ALDH18A1: variants seen among roughly 807,000 people sequenced by gnomAD.
ALDH18A1 encodes the protein delta-1-pyrroline-5-carboxylate synthase.
ALDH18A1 carries 44 observed loss-of-function variants against 88.8 expected under a neutral mutation model. The observed-to-expected ratio is 0.50, with a 90% CI of 0.39 to 0.64. The LOEUF is 0.64. Among genes scored for constraint, ALDH18A1 ranks in the 30% least tolerant of loss-of-function variants. The pLI is 0.00. For synonymous variants in ALDH18A1, 331 were observed against 372.1 expected (o/e 0.89, Z 1.27); for missense variants, 782 against 1,009.5 (o/e 0.77, Z 3.05).
At chr10:95,612,632 A>G (rs2097837272) in intron 15 of ALDH18A1, among the ~76,000 whole-genome samples, 1 of 152,200 alleles carries the variant, frequency 6.6e-6, no homozygotes, top group African/African-American at 2.4e-5. Flanking sequence ...AAGTACACAC[A>G]GTGACTCATT....
intron 3 of ALDH18A1, among the ~76,000 whole-genome samples, chr10:95,638,076 T>C (rs551711785): frequency 1.3e-5 from 2 of 152,288 alleles, no homozygotes; most frequent in Admixed American, 6.5e-5. Flanking sequence ...TGCCGTGGCA[T>C]GAATGTGGCT....
Position 95,643,131 on chromosome 10 carries a change from C to T in ALDH18A1, c.164G>A (p.Arg55His), listed in dbSNP as rs754880517. The change falls in exon 3 of 18, where the codon CGT becomes CAT. Residue 55 changes from arginine (R) to histidine (H), a missense_variant. Around this residue, in one of 3 missense-constraint regions of ALDH18A1, gnomAD observed 94 missense variants for 99.5 expected, o/e 0.94. Transcript: ENST00000371224. ...NIPFITVPLS[R>H]THGKSFAHRS... ...GTGGGCGAAGGACTTGCCATGTGTA[C>T]GACTGAGGGGTACAGTGATAAACGG... 8.7e-6 allele frequency: 14 copies of T among 1,614,064 alleles called. No homozygotes were observed. Among genetic ancestry groups the T allele is most frequent in the Admixed American group, 8.3e-5 (5 of 60,002 alleles).
chr10:95,628,388 T>A lies in ALDH18A1; in HGVS notation c.913A>T (p.Met305Leu). Residue 305 changes from methionine to leucine, a missense_variant, in exon 8 of 18, where the codon ATG becomes TTG. By Grantham distance (15) the Met-to-Leu change is conservative. Coordinates refer to ENST00000371224, the MANE Select transcript of ALDH18A1 (RefSeq NM_002860.4). ...VTFGTKSRVG[M>L]GGMEAKVKAA... ...CTTACCTTGGCTTCCATGCCACCCATTCCCACTCTAGACTTGGTTCCAAAT... is the reference window on the plus strand; with the variant it reads ...CTTACCTTGGCTTCCATGCCACCCAATCCCACTCTAGACTTGGTTCCAAAT... 1 of 1,614,128 alleles carries A rather than the reference T, an allele frequency of 6.2e-7. No individual in the cohort carries two copies. Among genetic ancestry groups the A allele is most frequent in the Non-Finnish European group, 8.5e-7 (1 of 1,179,974 alleles).
chr10:95,653,371 T>C lies in ALDH18A1; in HGVS notation c.7A>G (p.Ser3Gly). ML[S>G]QVYRCGFQPF... The stretch of plus-strand genomic sequence containing the variant: ...TGGAACCCACAGCGGTAAACTTGAC[T>C]CAACATGCTGCGATGTGGTCACTAA... Residue 3 changes from serine (S) to glycine (G), a missense_variant, in exon 2 of 18, where the codon AGT becomes GGT. By Grantham distance (56) the Ser-to-Gly change is moderately conservative. Transcript: ENST00000371224. 6.2e-7 allele frequency: 1 copy of C among 1,613,316 alleles called. No homozygotes were observed. The highest frequency in any genetic ancestry group is 8.5e-7 in the Non-Finnish European group (1 of 1,179,936).
At chr10:95,607,362 G>A (rs965325146) in intron 17 of ALDH18A1, among the ~76,000 whole-genome samples, 5 of 152,080 alleles carry the variant, frequency 3.3e-5, no homozygotes, top group Non-Finnish European at 5.9e-5. Context: ...ACATGTTTGT[G>A]GTATCCCCTA....
At chr10:95,629,510 A>G (rs2097865030) in intron 7 of ALDH18A1, among the ~76,000 whole-genome samples, 1 of 152,214 alleles carries the variant, frequency 6.6e-6, no homozygotes, top group Non-Finnish European at 1.5e-5. Flanking sequence ...AAAAGAAAAA[A>G]TAACCTTTCA....
At chr10:95,622,625 C>T (rs2097854525) in intron 11 of ALDH18A1, among the ~76,000 whole-genome samples, 1 of 152,148 alleles carries the variant, frequency 6.6e-6, no homozygotes, top group Non-Finnish European at 1.5e-5. Flanking sequence ...GCAAGCTCCA[C>T]CTCCAGGGTT....
At chr10:95,633,701 T>C (rs1216782926) in intron 5 of ALDH18A1, 52 bp from the exon 6 acceptor site, 1 of 1,597,298 alleles carries the variant, frequency 6.3e-7, no homozygotes, top group East Asian at 2.2e-5. Flanking sequence ...ACGCTAAACT[T>C]CCCAGTATAC....
chr10:95,623,754 G>A (rs1044199905), intron 11 of ALDH18A1, among the ~76,000 whole-genome samples: 9 of 152,304 alleles, frequency 5.9e-5, no homozygotes, highest in African/African-American at 2.2e-4. Flanking sequence ...TAGTAGAGAT[G>A]AGGTTTCTCC....
chr10:95,614,544 C>T (rs2097841207), intron 13 of ALDH18A1, among the ~76,000 whole-genome samples: 1 of 152,174 alleles, frequency 6.6e-6, no homozygotes, highest in South Asian at 2.1e-4. Flanking sequence ...TACACTACTC[C>T]AGGCCATGAA....
intron 15 of ALDH18A1, 65 bp from the exon 16 acceptor site, chr10:95,611,507 G>T: frequency 1.9e-6 from 3 of 1,575,058 alleles, no homozygotes; most frequent in Non-Finnish European, 2.6e-6. Flanking sequence ...TTCTAGGATA[G>T]AACAGAAAGG....
intron 2 of ALDH18A1, among the ~76,000 whole-genome samples, chr10:95,650,621 C>T (rs1432595722): frequency 1.3e-5 from 2 of 152,168 alleles, no homozygotes; most frequent in Non-Finnish European, 2.9e-5. Flanking sequence ...CCCCTTCATC[C>T]TCTTCCAAGA....
At position 95,628,466 on chromosome 10, in the gene ALDH18A1, C is replaced by T; in HGVS notation, c.835G>A (p.Asp279Asn). The change falls in exon 8 of 18, where the codon GAT becomes AAT. Residue 279 changes from aspartate (D) to asparagine (N), a missense_variant. Around this residue, in one of 3 missense-constraint regions of ALDH18A1, gnomAD observed 556 missense variants for 654.5 expected, o/e 0.85. Coordinates refer to ENST00000371224, the MANE Select transcript of ALDH18A1 (RefSeq NM_002860.4). ...AATATATCAATAAGCTTTGCATCAT[C>T]TGAACCTGGGGGGCTGTCAAAAAGG... ...EGLFDSPPGSDDAKLIDIFYP... is the reference protein window; with the variant it reads ...EGLFDSPPGSNDAKLIDIFYP... 6.2e-7 allele frequency: 1 copy of T among 1,613,924 alleles called. No individual in the cohort carries two copies. The highest frequency in any genetic ancestry group is 8.5e-7 in the Non-Finnish European group (1 of 1,179,976).
chr10:95,621,319 T>TA, intron 11 of ALDH18A1, 68 bp from the exon 12 acceptor site: 115 of 1,274,408 alleles, frequency 9.0e-5, no homozygotes, highest in Non-Finnish European at 1.2e-4. Context: ...AACCGATGTG[T>TA]CTTTTTTTTT....
intron 17 of ALDH18A1, among the ~76,000 whole-genome samples, chr10:95,609,767 C>CTCTTTTTTTTT (rs1193875091): frequency 3.3e-5 from 1 of 30,698 alleles, no homozygotes. Context: ...AAGTCTGTCT[C>CTCTTTTTTTTT]TATTTTTTTT....
chr10:95,640,905 C>T (rs1351770467), intron 3 of ALDH18A1, among the ~76,000 whole-genome samples: 2 of 152,194 alleles, frequency 1.3e-5, no homozygotes, highest in Admixed American at 1.3e-4. Flanking sequence ...CTCCAACTCA[C>T]CTAGTTGGCT....
intron 3 of ALDH18A1, 151 bp downstream of exon 3, chr10:95,642,841 C>G (rs2097894357): frequency 1.3e-5 from 11 of 845,206 alleles, no homozygotes; most frequent in Non-Finnish European, 1.9e-5. Flanking sequence ...TCACTGGCGT[C>G]TACAGTGGGA....
At position 95,625,366 on chromosome 10, in the gene ALDH18A1, T is replaced by C; in HGVS notation, c.1242A>G (p.Ala414=). Residue 414 remains alanine, a synonymous_variant, in exon 11 of 18, where the codon GCA becomes GCG. Coordinates refer to ENST00000371224, the MANE Select transcript of ALDH18A1 (RefSeq NM_002860.4). ...TTTAAATTGCCTGGTCTTTACCCTC[T>C]GCCTCCTCCAAGTCTTTTTTGTTGG... ...LLANKKDLEE[A]EGRLAAPLLK... 1.9e-6 allele frequency: 3 copies of C among 1,614,070 alleles called. No individual in the cohort carries two copies. The highest frequency in any genetic ancestry group is 2.5e-6 in the Non-Finnish European group (3 of 1,179,914).
chr10:95,626,346 C>T (rs2097860369), intron 10 of ALDH18A1, among the ~76,000 whole-genome samples: 1 of 152,066 alleles, frequency 6.6e-6, no homozygotes, highest in Non-Finnish European at 1.5e-5. Flanking sequence ...TCGAGCTTCC[C>T]ATCTTCTAGG....
Sources: allele counts gnomAD v4.1 joint callset (sites outside exome capture counted in the v4.1 genomes callset), GRCh38; gene constraint gnomAD v4.1.1; regional missense constraint gnomAD v4.1.1; transcripts MANE v1.5; gene names NCBI Gene and HGNC (gene_info 2026-07-23, HGNC 2026-07-21).